Variants in ZBTB40 observed in about 807,000 individuals in gnomAD.
The protein encoded by ZBTB40 is zinc finger and BTB domain-containing protein 40.
Under a neutral mutation model 117.5 loss-of-function variants are expected in ZBTB40, and 60 were observed. The observed-to-expected ratio is 0.51, with a 90% CI of 0.41 to 0.63. ZBTB40 has a LOEUF of 0.63. Among genes scored for constraint, ZBTB40 ranks in the 30% least tolerant of loss-of-function variants. ZBTB40 has a pLI of 0.00. For missense variants in ZBTB40, 1,287 were observed against 1,498.5 expected (o/e 0.86, Z 2.33); for synonymous variants, 525 against 577.1 (o/e 0.91, Z 1.29).
intron 3 of ZBTB40, among the ~76,000 whole-genome samples, chr1:22,498,693 C>T (rs4655070): frequency 0.39 from 59,956 of 151,788 alleles, 14,733 homozygotes; most frequent in African/African-American, 0.66. Context: ...CCACCATTGA[C>T]GAAAGCTTCC....
rs553700327 is a variant in ZBTB40 at position 22,515,497 on chromosome 1, T to A, written c.2669-1803T>A. Among the ~76,000 whole-genome samples the A allele has an allele frequency of 8.6e-4, 131 of 152,358 alleles. 3 individuals carry two copies. In the South Asian group the frequency reaches 0.026, roughly 30 times the overall value. On this transcript the variant is annotated intron_variant, in intron 12 of 17. Coordinates refer to ENST00000375647, the MANE Select transcript of ZBTB40 (RefSeq NM_014870.4). ...AAATTCAAGCTTTCGGCAGAGTTCC[T>A]TCTGGAGGCTCTAGGGGAGATCTCA...
Position 22,513,005 on chromosome 1 carries a change from A to G in ZBTB40, c.2543A>G (p.Asn848Ser), listed in dbSNP as rs144774049. 2,788 of 1,614,116 alleles carry G rather than the reference A, an allele frequency of 1.7e-3. 5 individuals are homozygous for G. Among genetic ancestry groups the G allele is most frequent in the Non-Finnish European group, 2.1e-3 (2,441 of 1,180,026 alleles). ...GAGTGTGGGGCGAAGTTTGCAGCCA[A>G]TTCCACCCTGAAGAACCACCTTCGC... is the stretch of plus-strand genomic sequence containing the variant. ...CEECGAKFAA[N>S]STLKNHLRLH... is the part of the protein sequence containing the mutation. The change falls in exon 12 of 18, where the codon AAT (asparagine) becomes AGT (serine). Residue 848 changes from asparagine (N) to serine (S), a missense_variant. Physicochemically the swap from Asn to Ser is conservative, Grantham distance 46. Around this residue, in one of 2 missense-constraint regions of ZBTB40, gnomAD observed 417 missense variants for 564.1 expected, o/e 0.74. Coordinates refer to ENST00000375647, the MANE Select transcript of ZBTB40 (RefSeq NM_014870.4). The surrounding 1 kb of genome is among the most constrained non-coding windows in gnomAD (Gnocchi z 4.9).
rs1222294324 is a variant in ZBTB40 at position 22,431,384 on chromosome 1, G to GTGTATATATATATATA, written c.-70+2371_-70+2372insGTATATATATATATAT. ...ATTTTGTGTGTGTGTGTGTGTGTGT[G>GTGTATATATATATATA]TATATATATATATATATATATATAT... On this transcript the variant is annotated intron_variant, in intron 1 of 8. Transcript: ENST00000650433. Among the ~76,000 whole-genome samples, 109 of 119,664 alleles carry GTGTATATATATATATA rather than the reference G, an allele frequency of 9.1e-4. 1 individual carries two copies. Among genetic ancestry groups the GTGTATATATATATATA allele is most frequent in the Admixed American group, 8.9e-4 (9 of 10,158 alleles). 78.5% of individuals were successfully genotyped at this position (119,664 alleles called of 152,430 possible).
At chr1:22,505,945 G>A in intron 5 of ZBTB40, 104 bp from the exon 6 acceptor site, 1 of 1,159,940 alleles carries the variant, frequency 8.6e-7, no homozygotes, top group Non-Finnish European at 1.3e-6. Context: ...AGGACTTGGA[G>A]ATCAGGCATC....
intron 1 of ZBTB40, among the ~76,000 whole-genome samples, chr1:22,430,846 C>CT (rs1392705756): frequency 2.0e-5 from 3 of 152,038 alleles, no homozygotes; most frequent in African/African-American, 7.2e-5. Context: ...GACATATGAG[C>CT]TTTTTTGTTA....
chr1:22,448,608 TG>T (rs1640815302), upstream of ZBTB40, among the ~76,000 whole-genome samples: 2 of 152,222 alleles, frequency 1.3e-5, no homozygotes, highest in Admixed American at 1.3e-4. Flanking sequence ...CTGTGTTTTT[TG>T]AGCAAATTAT....
chr1:22,523,202 C>T (rs573004121), intron 16 of ZBTB40, among the ~76,000 whole-genome samples: 2 of 152,072 alleles, frequency 1.3e-5, no homozygotes, highest in South Asian at 4.2e-4. Context: ...CCGCCCGCCT[C>T]ACCCTCCCAA....
chr1:22,465,379 G>A lies in ZBTB40; in HGVS notation c.-70+13375G>A, dbSNP rs114086331. Among the ~76,000 whole-genome samples, 1,468 of 152,278 alleles carry A rather than the reference G, an allele frequency of 9.6e-3. 11 individuals carry two copies. Among genetic ancestry groups the A allele is most frequent in the African/African-American group, 0.033 (1,385 of 41,566 alleles). On this transcript the variant is annotated intron_variant, in intron 1 of 17. Transcript: ENST00000375647. Reference sequence around the variant, plus strand: ...TGTCTACTCAGCTGTGGCTGAGTCCGGGGCTTTTATGGGCCTCAGAGGGGA... The same window carrying A: ...TGTCTACTCAGCTGTGGCTGAGTCCAGGGCTTTTATGGGCCTCAGAGGGGA...
chr1:22,437,533 G>T (rs1212721561), intron 1 of ZBTB40, among the ~76,000 whole-genome samples: 2 of 151,366 alleles, frequency 1.3e-5, no homozygotes, highest in Non-Finnish European at 2.9e-5. Flanking sequence ...CAATTCTCCA[G>T]TCTCAGCCTC....
chr1:22,529,508 T>A lies in ZBTB40; in HGVS notation c.*3112T>A, dbSNP rs1029550268. On this transcript the variant is annotated 3_prime_UTR_variant, in exon 18 of 18. Transcript: ENST00000375647. ...ACAGGACTTGCCCATCATAGGTAAG[T>A]GAGACAGCAAATAGATGATTCAAGA... is the stretch of plus-strand genomic sequence containing the variant. The A allele has an allele frequency of 2.0e-5, 3 of 152,206 alleles. No individual in the cohort carries two copies. The highest frequency in any genetic ancestry group is 7.2e-5 in the African/African-American group (3 of 41,384). 9.4% of individuals were successfully genotyped at this position (152,206 alleles called of 1,614,324 possible). A position where few individuals can be genotyped will look rare whatever the true frequency, so the allele number is the denominator to read the frequency against.
At chr1:22,452,503 T>G (rs1218103891) in intron 1 of ZBTB40, among the ~76,000 whole-genome samples, 1 of 152,216 alleles carries the variant, frequency 6.6e-6, no homozygotes, top group Non-Finnish European at 1.5e-5. Flanking sequence ...AGTCCATAAA[T>G]GAAGTTTTAT....
intron 1 of ZBTB40, among the ~76,000 whole-genome samples, chr1:22,431,803 G>GT (rs57240160): frequency 0.047 from 7,177 of 151,948 alleles, 584 homozygotes; most frequent in African/African-American, 0.16. Flanking sequence ...GCTGTCTTAG[G>GT]TTTTTTAAAA....
At chr1:22,515,527 T>A (rs1639352226) in intron 12 of ZBTB40, among the ~76,000 whole-genome samples, 1 of 152,188 alleles carries the variant, frequency 6.6e-6, no homozygotes, top group Admixed American at 6.5e-5. Context: ...ATCTCATTCC[T>A]TGCCTTTCCA....
intron 5 of ZBTB40, 45 bp downstream of exon 5, chr1:22,502,486 C>A: frequency 6.2e-7 from 1 of 1,613,120 alleles, no homozygotes; most frequent in Non-Finnish European, 8.5e-7. Flanking sequence ...ATTCATATAG[C>A]ACTTAAAAAA....
rs187527207 is a variant in ZBTB40, at chr1:22,508,964, G to A, written c.1700-136G>A. ...TACTCTGATTACAGTGCTATTTGCCGTTTTCCCCACTGCCAACCTCAGATA... is the reference window on the plus strand; with the variant it reads ...TACTCTGATTACAGTGCTATTTGCCATTTTCCCCACTGCCAACCTCAGATA... On this transcript the variant is annotated intron_variant, in intron 8 of 17. Coordinates refer to ENST00000375647, the MANE Select transcript of ZBTB40 (RefSeq NM_014870.4). 137 of 1,405,804 alleles carry A rather than the reference G, an allele frequency of 9.7e-5. No individual in the cohort carries two copies. The African/African-American group carries it at 1.5e-3, about 15-fold the overall frequency. The allele number at this position is 1,405,804 out of a possible 1,614,324, so 87.1% of individuals were successfully genotyped here.
chr1:22,496,702 C>T (rs1361981269), intron 3 of ZBTB40, among the ~76,000 whole-genome samples: 2 of 152,190 alleles, frequency 1.3e-5, no homozygotes, highest in Non-Finnish European at 2.9e-5. Flanking sequence ...TGGGTTCTTT[C>T]TCCCTGTCTC....
chr1:22,469,439 C>T (rs1433912709), intron 1 of ZBTB40, among the ~76,000 whole-genome samples: 2 of 152,314 alleles, frequency 1.3e-5, no homozygotes, highest in Non-Finnish European at 2.9e-5. Flanking sequence ...CTTGTGCCAG[C>T]CTCCTGAGGA....
chr1:22,518,996 CCT>C (rs1025719541), intron 13 of ZBTB40, among the ~76,000 whole-genome samples: 4 of 152,300 alleles, frequency 2.6e-5, no homozygotes, highest in African/African-American at 7.2e-5. Flanking sequence ...TCCAGGCCCC[CCT>C]CTCTCTCCCA....
At chr1:22,455,599 A>T (rs1023574754) in intron 1 of ZBTB40, among the ~76,000 whole-genome samples, 1 of 152,174 alleles carries the variant, frequency 6.6e-6, no homozygotes, top group African/African-American at 2.4e-5. Flanking sequence ...CTTTGCATCT[A>T]AAGTATTGCA....
Sources: gnomAD v4.1 joint callset for allele counts (sites outside exome capture counted in the v4.1 genomes callset) on GRCh38, gnomAD v4.1.1 for gene constraint, gnomAD v4.1.1 regional missense constraint, Gnocchi (gnomAD v3.1) non-coding constraint, MANE v1.5 for transcripts, NCBI Gene and HGNC (gene_info 2026-07-23, HGNC 2026-07-21) for gene names.